The following SIN3B variants were observed in gnomAD, a reference collection of about 807,000 sequenced individuals.
SIN3B encodes paired amphipathic helix protein Sin3b.
In SIN3B, 19 loss-of-function variants were observed where a neutral mutation model predicts 120.2. The ratio of observed to expected loss-of-function variants is 0.16; its 90% CI spans 0.11 to 0.23. SIN3B has a LOEUF of 0.23. Among genes scored for constraint, SIN3B ranks in the 10% least tolerant of loss-of-function variants. The pLI is 1.00. For missense variants in SIN3B, 1,073 were observed against 1,573.0 expected (o/e 0.68, Z 5.38); for synonymous variants, 654 against 653.2 (o/e 1.00, Z -0.02).
chr19:16,879,168 G>C lies in SIN3B; in HGVS notation c.*441G>C. 1 of 183,176 alleles carries C rather than the reference G, an allele frequency of 5.5e-6. No homozygotes were observed. The highest frequency in any genetic ancestry group is 5.7e-5 in the Admixed American group (1 of 17,466). The allele number at this position is 183,176 out of a possible 1,614,324, so 11.3% of individuals were successfully genotyped here. A position where few individuals can be genotyped will look rare whatever the true frequency, so the allele number is the denominator to read the frequency against. On this transcript the variant is annotated 3_prime_UTR_variant, in exon 19 of 19. Coordinates refer to ENST00000248054, the MANE Select transcript of SIN3B (RefSeq NM_001297595.2). ...CCTGACAAGGAAGGAGTTGAGCCCT[G>C]GGTAGGCTTGCTTGAAAAGTGAGTC...
intron 5 of SIN3B, among the ~76,000 whole-genome samples, chr19:16,851,107 C>G (rs540339882): frequency 6.6e-6 from 1 of 152,228 alleles, no homozygotes; most frequent in Non-Finnish European, 1.5e-5. Context: ...CATGAGCCCC[C>G]GCACGGGAAG....
intron 3 of SIN3B, among the ~76,000 whole-genome samples, chr19:16,833,310 T>C (rs982077057): frequency 1.3e-5 from 2 of 152,150 alleles, no homozygotes; most frequent in Non-Finnish European, 2.9e-5. Flanking sequence ...TGCTTTTGTA[T>C]TAATTCCATG....
chr19:16,838,621 A>G (rs1462706649), intron 3 of SIN3B, among the ~76,000 whole-genome samples: 3 of 152,140 alleles, frequency 2.0e-5, no homozygotes, highest in African/African-American at 7.2e-5. Flanking sequence ...GCTGTTGTGC[A>G]TAGTGCTGCA....
chr19:16,867,055 G>C (rs917918999), intron 12 of SIN3B, among the ~76,000 whole-genome samples: 1 of 152,130 alleles, frequency 6.6e-6, no homozygotes, highest in East Asian at 1.9e-4. Flanking sequence ...GCTCCTGGCC[G>C]ACTCTGCCAT....
chr19:16,829,591 G>C, intron 1 of SIN3B, 51 bp downstream of exon 1: 1 of 1,245,758 alleles, frequency 8.0e-7, no homozygotes, highest in Non-Finnish European at 1.0e-6. Flanking sequence ...TGGACCCCGC[G>C]GGCGGGCGCC....
rs537814524 is a variant in SIN3B at position 16,872,309 on chromosome 19, A to G, written c.2592+911A>G. 1.1e-3 allele frequency among the ~76,000 whole-genome samples: 173 copies of G among 152,088 alleles called. 1 individual carries two copies. The highest frequency in any genetic ancestry group is 4.1e-3 in the Admixed American group (63 of 15,262). On this transcript the variant is annotated intron_variant, in intron 14 of 18. Coordinates refer to ENST00000248054, the MANE Select transcript of SIN3B (RefSeq NM_001297595.2). The stretch of plus-strand genomic sequence containing the variant: ...AAAGACTGCTTAATGGAGCTAAAAT[A>G]CCCAAGCAGAAAAGTCCCCAAATTT...
At position 16,862,955 on chromosome 19, in the gene SIN3B, C is replaced by T. The variant is rs767511824; in HGVS notation, c.1266+396C>T. 1 of 1,614,112 alleles carries T rather than the reference C, an allele frequency of 6.2e-7. No homozygotes were observed. The highest frequency in any genetic ancestry group is 1.1e-5 in the South Asian group (1 of 91,092). ...GCATGTCCAAGTTCAAGAATACCTG[C>T]TGGATTCCAGGATATAGTGCAGGGG... On this transcript the variant is annotated intron_variant, in intron 9 of 18. Transcript: ENST00000248054. The surrounding 1 kb of genome is among the most constrained non-coding windows in gnomAD (Gnocchi z 4.7).
chr19:16,864,595 G>A (rs1214436422), intron 10 of SIN3B, among the ~76,000 whole-genome samples: 1 of 151,886 alleles, frequency 6.6e-6, no homozygotes, highest in Non-Finnish European at 1.5e-5. Context: ...GCCTTCCAAA[G>A]TGCTGAGATT....
chr19:16,847,217 C>A, intron 5 of SIN3B, 104 bp downstream of exon 5: 1 of 1,271,466 alleles, frequency 7.9e-7, no homozygotes, highest in Non-Finnish European at 1.1e-6. Flanking sequence ...CCCTCCAGGC[C>A]ACACTAGGGT....
At chr19:16,873,201 TC>T (rs2051535508) in intron 14 of SIN3B, among the ~76,000 whole-genome samples, 1 of 152,130 alleles carries the variant, frequency 6.6e-6, no homozygotes, top group Admixed American at 6.5e-5. Context: ...CGTTGGGACA[TC>T]TTTTCTCATG....
intron 6 of SIN3B, 133 bp downstream of exon 6, chr19:16,851,667 G>A (rs1000321579): frequency 1.1e-4 from 125 of 1,161,970 alleles, no homozygotes; most frequent in Non-Finnish European, 1.3e-4. Flanking sequence ...GAGGTTCACC[G>A]GCAGTGGGAC....
At chr19:16,865,981 C>T (rs1390671167) in intron 11 of SIN3B, among the ~76,000 whole-genome samples, 1 of 152,146 alleles carries the variant, frequency 6.6e-6, no homozygotes, top group Admixed American at 6.5e-5. Context: ...TGCCGTCCGG[C>T]GCTAGTTAAC....
chr19:16,864,390 G>A (rs1164260681), intron 10 of SIN3B, among the ~76,000 whole-genome samples: 3 of 151,702 alleles, frequency 2.0e-5, no homozygotes, highest in Admixed American at 6.6e-5. Context: ...GTGCAGTGGC[G>A]TAATCATGGA....
At chr19:16,872,548 A>T (rs2051525448) in intron 14 of SIN3B, 1 of 151,916 alleles carries the variant, frequency 6.6e-6, no homozygotes, top group South Asian at 2.1e-4. Context: ...GTTTCAAGCA[A>T]TTCTCCTGCC....
intron 4 of SIN3B, among the ~76,000 whole-genome samples, chr19:16,842,341 G>A (rs1233031368): frequency 6.6e-6 from 1 of 151,356 alleles, no homozygotes; most frequent in Non-Finnish European, 1.5e-5. Context: ...GAACTCAAAC[G>A]ACCCATCCAC....
At chr19:16,869,394 A>G (rs1381488113) in intron 12 of SIN3B, 66 bp from the exon 13 acceptor site, 2 of 1,502,736 alleles carry the variant, frequency 1.3e-6, no homozygotes, top group Non-Finnish European at 1.8e-6. Flanking sequence ...CGAGTCGTGA[A>G]TGGGCACTGG....
At position 16,865,430 on chromosome 19, in the gene SIN3B, G is replaced by A. The variant is rs761293970; in HGVS notation, c.1404G>A (p.Thr468=). 5.6e-6 allele frequency: 9 copies of A among 1,603,002 alleles called. No individual in the cohort carries two copies. Among genetic ancestry groups the A allele is most frequent in the Middle Eastern group, 1.7e-4 (1 of 6,028 alleles). ...CATAGTTAGACGTTGTCCTGGAGAC[G>A]AACCTGGCCACAATCCGTGTGTTGG... The part of the protein sequence containing the change: ...ERFELDVVLE[T]NLATIRVLES... Residue 468 remains threonine (T), a synonymous_variant, in exon 11 of 19, where the codon ACG becomes ACA. Transcript: ENST00000248054.
intron 9 of SIN3B, chr19:16,863,046 C>T (rs766230855): frequency 8.5e-7 from 1 of 1,181,676 alleles, no homozygotes. Flanking sequence ...TTTACTGTCA[C>T]ACAGACACAA....
At chr19:16,863,381 T>C (rs1971716047) in intron 9 of SIN3B, 2 of 499,854 alleles carry the variant, frequency 4.0e-6, no homozygotes, top group Non-Finnish European at 7.1e-6. Context: ...ATTCTAGAGA[T>C]GATTTTGCAT....
Sources: gnomAD v4.1 joint callset for allele counts (sites outside exome capture counted in the v4.1 genomes callset) on GRCh38, gnomAD v4.1.1 for gene constraint, Gnocchi (gnomAD v3.1) non-coding constraint, MANE v1.5 for transcripts, NCBI Gene and HGNC (gene_info 2026-07-23, HGNC 2026-07-21) for gene names.